Variants in UGT1A5 observed in about 807,000 individuals in gnomAD.
UGT1A5 encodes UDP glucuronosyltransferase family 1 member A5.
UGT1A5 carries 29 observed loss-of-function variants against 40.3 expected under a neutral mutation model. The observed-to-expected ratio is 0.72, with a 90% CI of 0.54 to 0.98. The LOEUF is 0.98. UGT1A5 is among the 50% of genes least tolerant of loss of function. The pLI, the probability that UGT1A5 is intolerant of heterozygous loss-of-function variation, is 0.00. For missense variants in UGT1A5, 678 were observed against 677.9 expected, an observed-to-expected ratio of 1.00 and a Z score of 0.00; for synonymous variants, 257 against 262.5, an observed-to-expected ratio of 0.98 and a Z score of 0.20.
At chr2:233,767,621 C>T (rs149525417) in intron 2 of UGT1A5, among the ~76,000 whole-genome samples, 1 of 152,276 alleles carries the variant, frequency 6.6e-6, no homozygotes, top group African/African-American at 2.4e-5. Flanking sequence ...AAGTGCACAG[C>T]TTGATAAATT....
At chr2:233,728,855 A>C (rs900192312) in intron 1 of UGT1A5, among the ~76,000 whole-genome samples, 5 of 152,210 alleles carry the variant, frequency 3.3e-5, no homozygotes, top group African/African-American at 1.2e-4. Flanking sequence ...ATTGGATGAG[A>C]AACAAGAGCT....
Position 233,736,954 on chromosome 2 carries a change from C to T in UGT1A5, c.867+23096C>T, listed in dbSNP as rs1375491683. On this transcript the variant is annotated intron_variant, in intron 1 of 4. Coordinates refer to ENST00000373414, the MANE Select transcript of UGT1A5 (RefSeq NM_019078.2). The stretch of plus-strand genomic sequence containing the variant: ...CCACCTATATGAGGTGTCTGTTGGC[C>T]CCTACTGGGAGGTGTTTCCCAGTCA... Among the ~76,000 whole-genome samples, 8 of 152,168 alleles carry T rather than the reference C, an allele frequency of 5.3e-5. No homozygotes were observed. The East Asian group carries it at 1.3e-3, about 26-fold the overall frequency.
chr2:233,764,840 A>T (rs903559567), intron 1 of UGT1A5, among the ~76,000 whole-genome samples: 2 of 151,474 alleles, frequency 1.3e-5, no homozygotes, highest in African/African-American at 4.9e-5. Flanking sequence ...GGGGAGGATG[A>T]CTCTGTCCTC....
At chr2:233,765,693 AAATAATAATAATAATAATT>A (rs1698909746) in intron 1 of UGT1A5, among the ~76,000 whole-genome samples, 1 of 147,312 alleles carries the variant, frequency 6.8e-6, no homozygotes, top group East Asian at 2.0e-4. Flanking sequence ...AACTTCAAGT[AAATAATAATAATAATAATT>A]AATAATAATA....
At chr2:233,714,411 G>A (rs2076385776) in intron 1 of UGT1A5, among the ~76,000 whole-genome samples, 1 of 152,178 alleles carries the variant, frequency 6.6e-6, no homozygotes, top group African/African-American at 2.4e-5. Context: ...ATGGATGTCT[G>A]TGATCAGAGA....
At chr2:233,719,049 C>T in intron 1 of UGT1A5, 1 of 1,614,286 alleles carries the variant, frequency 6.2e-7, no homozygotes, top group South Asian at 1.1e-5. Flanking sequence ...ATTTTTCACC[C>T]TGACAGCCTA....
chr2:233,712,962 G>A lies in UGT1A5; in HGVS notation c.-30G>A, dbSNP rs1424836209. The A allele has an allele frequency of 1.9e-6, 3 of 1,612,762 alleles. No individual in the cohort carries two copies. The highest frequency in any genetic ancestry group is 2.7e-5 in the African/African-American group (2 of 74,888). ...ATTCTAGGAGGCACAACGTGGGGTG[G>A]ACAGTCAGCTGTCGGTGGCTTCTGC... is the stretch of plus-strand genomic sequence containing the variant. On this transcript the variant is annotated 5_prime_UTR_variant, in exon 1 of 5. Coordinates refer to ENST00000373414, the MANE Select transcript of UGT1A5 (RefSeq NM_019078.2).
At chr2:233,747,840 A>T in intron 1 of UGT1A5, 1 of 1,613,552 alleles carries the variant, frequency 6.2e-7, no homozygotes, top group South Asian at 1.1e-5. Flanking sequence ...ATTCCTGCAA[A>T]GGGTCAAGAA....
intron 1 of UGT1A5, among the ~76,000 whole-genome samples, chr2:233,746,833 TG>T (rs1311657706): frequency 6.6e-6 from 1 of 151,788 alleles, no homozygotes; most frequent in Non-Finnish European, 1.5e-5. Context: ...CTACCACTGT[TG>T]GGGACCTCTC....
chr2:233,746,072 G>A (rs1693292846), intron 1 of UGT1A5, among the ~76,000 whole-genome samples: 2 of 151,808 alleles, frequency 1.3e-5, no homozygotes, highest in Admixed American at 6.6e-5. Flanking sequence ...AAAGAGAAGA[G>A]GAGTCACTTC....
At chr2:233,764,093 T>G (rs1018562208) in intron 1 of UGT1A5, among the ~76,000 whole-genome samples, 2 of 152,200 alleles carry the variant, frequency 1.3e-5, no homozygotes, top group African/African-American at 4.8e-5. Context: ...AAGCCTAAAC[T>G]AAAAATACAA....
chr2:233,730,859 C>T (rs532557812), intron 1 of UGT1A5, among the ~76,000 whole-genome samples: 75 of 152,214 alleles, frequency 4.9e-4, no homozygotes, highest in African/African-American at 1.5e-3. Context: ...CCAAACCCAC[C>T]CTACTGCACT....
chr2:233,755,755 T>A (rs1696010342), intron 1 of UGT1A5: 1 of 152,982 alleles, frequency 6.5e-6, no homozygotes, highest in East Asian at 1.9e-4. Context: ...GGTGCCCATT[T>A]GCTTTTGTTC....
intron 1 of UGT1A5, among the ~76,000 whole-genome samples, chr2:233,734,191 TC>T (rs2078496929): frequency 6.6e-6 from 1 of 152,190 alleles, no homozygotes; most frequent in South Asian, 2.1e-4. Context: ...AATTATTGCC[TC>T]AATTTCAGAG....
At chr2:233,717,787 T>C (rs749121467) in intron 1 of UGT1A5, 7 of 456,322 alleles carry the variant, frequency 1.5e-5, no homozygotes, top group Admixed American at 2.3e-5. Context: ...ATTTTGAAAT[T>C]TGAAGTAGTG....
chr2:233,736,190 T>C (rs573636337), intron 1 of UGT1A5, among the ~76,000 whole-genome samples: 9 of 152,368 alleles, frequency 5.9e-5, no homozygotes, highest in African/African-American at 2.2e-4. Flanking sequence ...CCCATATTTC[T>C]TCAAGGCTTT....
chr2:233,715,209 C>T (rs920759938), intron 1 of UGT1A5, among the ~76,000 whole-genome samples: 4 of 152,060 alleles, frequency 2.6e-5, no homozygotes, highest in African/African-American at 9.7e-5. Context: ...TTTAAAAGAC[C>T]CTCTACTGAA....
intron 1 of UGT1A5, chr2:233,717,938 T>A (rs2076617026): frequency 8.8e-6 from 4 of 453,788 alleles, no homozygotes; most frequent in East Asian, 7.0e-5. Context: ...TCAGTCTCTA[T>A]GCAGACTTGC....
At chr2:233,752,913 G>A (rs1372814851) in intron 1 of UGT1A5, among the ~76,000 whole-genome samples, 1 of 152,202 alleles carries the variant, frequency 6.6e-6, no homozygotes, top group East Asian at 1.9e-4. Context: ...CCACCTCTGA[G>A]TGACACTGGT....
Sources: allele counts gnomAD v4.1 joint callset (sites outside exome capture counted in the v4.1 genomes callset), GRCh38; gene constraint gnomAD v4.1.1; transcripts MANE v1.5; gene names NCBI Gene and HGNC (gene_info 2026-07-23, HGNC 2026-07-21).